The following PGD variants were observed in gnomAD, a reference collection of about 807,000 sequenced individuals.
PGD encodes phosphogluconate dehydrogenase.
A neutral mutation model predicts 60.4 loss-of-function variants in PGD; 21 were observed. That is an observed-to-expected ratio of 0.35 (90% CI 0.25 to 0.50). PGD has a LOEUF of 0.50. Among genes scored for constraint, PGD ranks in the 20% least tolerant of loss-of-function variants. The pLI, the probability that PGD is intolerant of heterozygous loss-of-function variation, is 0.98. For missense variants in PGD, 477 were observed against 613.1 expected, an observed-to-expected ratio of 0.78 and a Z score of 2.34; for synonymous variants, 230 against 235.9, an observed-to-expected ratio of 0.97 and a Z score of 0.23.
intron 6 of PGD, 21 bp from the exon 7 acceptor site, chr1:10,411,397 T>G (rs760061325): frequency 6.2e-7 from 1 of 1,612,328 alleles, no homozygotes; most frequent in Non-Finnish European, 8.5e-7. Flanking sequence ...GAAGGCCTCT[T>G]GGTGCTTGTT....
At chr1:10,404,306 C>G (rs764232779) in intron 5 of PGD, 27 bp downstream of exon 5, 2 of 1,432,564 alleles carry the variant, frequency 1.4e-6, no homozygotes, top group Non-Finnish European at 1.9e-6. Flanking sequence ...CTGTGCCCAT[C>G]TCTGTACAAG....
rs747211148 is a variant in PGD, at chr1:10,411,533, C to T, written c.635C>T (p.Ala212Val). The T allele has an allele frequency of 1.5e-5, 24 of 1,613,874 alleles. No homozygotes were observed. Among genetic ancestry groups the T allele is most frequent in the Non-Finnish European group, 1.9e-5 (23 of 1,179,940 alleles). ...YHLMKDVLGM[A>V]QDEMAQAFED... is the part of the protein sequence containing the mutation. ...CTGATGAAAGACGTGCTGGGCATGG[C>T]GCAGGACGAGATGGCCCAGGTGAGG... Residue 212 changes from alanine to valine, a missense_variant, in exon 7 of 13, where the codon GCG becomes GTG. Ala to Val is a moderately conservative substitution (Grantham distance 64). Coordinates refer to ENST00000270776, the MANE Select transcript of PGD (RefSeq NM_002631.4).
chr1:10,410,286 A>G (rs1569982664), intron 6 of PGD, among the ~76,000 whole-genome samples: 1 of 152,202 alleles, frequency 6.6e-6, no homozygotes, highest in East Asian at 1.9e-4. Flanking sequence ...CTCCATGTCT[A>G]CAAAAATTAG....
chr1:10,418,249 C>A (rs754309784), intron 10 of PGD, among the ~76,000 whole-genome samples: 1 of 152,130 alleles, frequency 6.6e-6, no homozygotes, highest in Non-Finnish European at 1.5e-5. Flanking sequence ...AATATTAGTT[C>A]TCTTTAGAAA....
intron 3 of PGD, among the ~76,000 whole-genome samples, chr1:10,401,141 G>A (rs1036397191): frequency 1.3e-4 from 20 of 152,106 alleles, no homozygotes; most frequent in African/African-American, 4.1e-4. Context: ...GGAGGTGGAG[G>A]TTACAGTGAC....
At position 10,399,711 on chromosome 1, in the gene PGD, GGCGTGGGCGC is replaced by G. The variant is rs763381746; in HGVS notation, c.84+9_84+18del. The G allele has an allele frequency of 1.4e-5, 23 of 1,613,524 alleles. No individual in the cohort carries two copies. In the African/African-American group the frequency reaches 2.3e-4, roughly 16 times the overall value. On this transcript the variant is annotated splice_region_variant and intron_variant, in intron 2 of 12. Coordinates refer to ENST00000270776, the MANE Select transcript of PGD (RefSeq NM_002631.4). ...GAATGACCACGGCTTTGTGGTAAGC[GGCGTGGGCGC>G]GTTGTCTTCTCTCTGGTTCCCGGGC...
At chr1:10,417,195 C>T in intron 9 of PGD, 78 bp downstream of exon 9, 2 of 1,535,596 alleles carry the variant, frequency 1.3e-6, no homozygotes, top group Non-Finnish European at 1.8e-6. Context: ...TGGGAGAACA[C>T]TCGAGGCCAC....
At chr1:10,419,578 C>T (rs2298570) in intron 12 of PGD, 39 bp downstream of exon 12, 1 of 1,613,826 alleles carries the variant, frequency 6.2e-7, no homozygotes, top group East Asian at 2.2e-5. Context: ...GCTGGCCCCT[C>T]GGGGGCGTGC....
At chr1:10,400,273 G>T (rs1361098211) in intron 2 of PGD, 120 bp from the exon 3 acceptor site, 8 of 695,706 alleles carry the variant, frequency 1.1e-5, no homozygotes, top group African/African-American at 1.8e-5. Context: ...GGAAGAAAAG[G>T]CAAAGGCAGG....
Position 10,418,925 on chromosome 1 carries a change from G to C in PGD, c.1209G>C (p.Gln403His), listed in dbSNP as rs781131903. The change falls in exon 11 of 13, where the codon CAG (glutamine) becomes CAC (histidine). Residue 403 changes from glutamine to histidine, a missense_variant and splice_region_variant. Gln to His is a conservative substitution (Grantham distance 24). Around this residue, in one of 3 missense-constraint regions of PGD, gnomAD observed 431 missense variants for 556.6 expected, o/e 0.77. Coordinates refer to ENST00000270776, the MANE Select transcript of PGD (RefSeq NM_002631.4). The part of the protein sequence containing the change: ...DFFKSAVENC[Q>H]DSWRRAVSTG... ...TTAAGTCAGCTGTTGAAAACTGCCA[G>C]GTATGTAGCCTAGGGCTGGTGCCAT... is the stretch of plus-strand genomic sequence containing the variant. The C allele has an allele frequency of 6.4e-7, 1 of 1,566,760 alleles. No homozygotes were observed. Among genetic ancestry groups the C allele is most frequent in the Non-Finnish European group, 8.8e-7 (1 of 1,136,950 alleles).
intron 6 of PGD, among the ~76,000 whole-genome samples, 199 bp downstream of exon 6, chr1:10,408,339 G>A (rs1639443176): frequency 1.3e-5 from 2 of 152,158 alleles, no homozygotes; most frequent in African/African-American, 2.4e-5. Flanking sequence ...ACTGTTCATA[G>A]CCTTGAGGTT....
rs71583866 is a variant in PGD, at chr1:10,403,590, G to GAAAAAAAAA, written c.330+466_330+474dup. ...TGGGCGACAGAGTGAAACTCCATCT[G>GAAAAAAAAA]AAAAAAAAAAAAAAAAAAAAGACAC... On this transcript the variant is annotated intron_variant, in intron 4 of 12. Coordinates refer to ENST00000270776, the MANE Select transcript of PGD (RefSeq NM_002631.4). 3.4e-3 allele frequency among the ~76,000 whole-genome samples: 225 copies of GAAAAAAAAA among 67,140 alleles called. 10 individuals are homozygous for GAAAAAAAAA. Among genetic ancestry groups the GAAAAAAAAA allele is most frequent in the African/African-American group, 0.012 (207 of 17,024 alleles). The allele number at this position is 67,140 out of a possible 152,430, so 44.0% of individuals were successfully genotyped here.
rs1035952393 is a variant in PGD at position 10,413,255 on chromosome 1, A to G, written c.844+4A>G. On this transcript the variant is annotated splice_donor_region_variant and intron_variant, in intron 8 of 12. Coordinates refer to ENST00000270776, the MANE Select transcript of PGD (RefSeq NM_002631.4). Reference sequence around the variant, plus strand: ...GGCGTACCCGTCACCCTCATTGGTAATGTTATGCTTTTCACATGGGCCCTT... The same window carrying G: ...GGCGTACCCGTCACCCTCATTGGTAGTGTTATGCTTTTCACATGGGCCCTT... The G allele has an allele frequency of 5.0e-6, 8 of 1,611,948 alleles. No individual in the cohort carries two copies. The South Asian group carries it at 6.6e-5, about 13-fold the overall frequency.
chr1:10,403,688 AC>A (rs1385327683), intron 4 of PGD, among the ~76,000 whole-genome samples: 2 of 151,828 alleles, frequency 1.3e-5, no homozygotes, highest in African/African-American at 4.8e-5. Flanking sequence ...GCTGAGAATT[AC>A]GTTTTAACTC....
At chr1:10,402,323 A>G (rs916026686) in intron 3 of PGD, among the ~76,000 whole-genome samples, 4 of 151,302 alleles carry the variant, frequency 2.6e-5, no homozygotes, top group African/African-American at 9.7e-5. Flanking sequence ...TCCTGCCTCA[A>G]CCTCCCAAAG....
chr1:10,403,531 C>T (rs113612161), intron 4 of PGD, among the ~76,000 whole-genome samples: 5,077 of 142,980 alleles, frequency 0.036, 108 homozygotes, highest in Middle Eastern at 0.13. Flanking sequence ...GCAGAAGTTG[C>T]AGTGAGCCGA....
At position 10,400,640 on chromosome 1, in the gene PGD, C is replaced by G. The variant is rs963958531; in HGVS notation, c.264+68C>G. On this transcript the variant is annotated intron_variant, in intron 3 of 12. Coordinates refer to ENST00000270776, the MANE Select transcript of PGD (RefSeq NM_002631.4). ...GTTTTTGGTTTCTTCCTTTAGTTCTCCTTCTTTTAACTCTAGAGATTTTTT... is the reference window on the plus strand; with the variant it reads ...GTTTTTGGTTTCTTCCTTTAGTTCTGCTTCTTTTAACTCTAGAGATTTTTT... 290 of 1,265,514 alleles carry G rather than the reference C, an allele frequency of 2.3e-4. 1 individual carries two copies. The Middle Eastern group carries it at 2.5e-3, about 11-fold the overall frequency. The allele number at this position is 1,265,514 out of a possible 1,614,324, so 78.4% of individuals were successfully genotyped here. A position where few individuals can be genotyped will look rare whatever the true frequency, so the allele number is the denominator to read the frequency against.
intron 4 of PGD, among the ~76,000 whole-genome samples, 162 bp downstream of exon 4, chr1:10,403,298 A>C (rs994835688): frequency 1.3e-5 from 2 of 152,014 alleles, no homozygotes; most frequent in Non-Finnish European, 2.9e-5. Flanking sequence ...GTTAAGACAC[A>C]CTTAACAGAA....
chr1:10,399,482 T>C, intron 1 of PGD, 147 bp from the exon 2 acceptor site: 1 of 717,758 alleles, frequency 1.4e-6, no homozygotes, highest in Non-Finnish European at 2.3e-6. Flanking sequence ...CTCTGCAGCG[T>C]GCGCGCCCGG....
Sources: gnomAD v4.1 joint callset for allele counts (sites outside exome capture counted in the v4.1 genomes callset) on GRCh38, gnomAD v4.1.1 for gene constraint, gnomAD v4.1.1 regional missense constraint, MANE v1.5 for transcripts, NCBI Gene and HGNC (gene_info 2026-07-23, HGNC 2026-07-21) for gene names.